SRGAP1: variants seen among roughly 807,000 people sequenced by gnomAD.
SRGAP1 encodes the protein SLIT-ROBO Rho GTPase-activating protein 1.
In SRGAP1, 43 loss-of-function variants were observed where a neutral mutation model predicts 121.9. The ratio of observed to expected loss-of-function variants is 0.35; its 90% CI spans 0.28 to 0.46. SRGAP1 has a LOEUF of 0.46. Among genes scored for constraint, SRGAP1 ranks in the 20% least tolerant of loss-of-function variants. The pLI, the probability that SRGAP1 is intolerant of heterozygous loss-of-function variation, is 1.00. For missense variants in SRGAP1, 1,102 were observed against 1,350.9 expected (o/e 0.82, Z 2.89); for synonymous variants, 447 against 485.4 (o/e 0.92, Z 1.04).
In SRGAP1 at chr12:63,861,304, T is replaced by TATATATA. The variant is rs201402664; in HGVS notation, c.67+16421_67+16422insATATATA. ...ATGGTAGGCATATATATATATATAT[T>TATATATA]TTTTTTTTTTTTTGAGGCAAAGTCT... On this transcript the variant is annotated intron_variant, in intron 1 of 21. Coordinates refer to ENST00000355086, the MANE Select transcript of SRGAP1 (RefSeq NM_020762.4). Among the ~76,000 whole-genome samples the TATATATA allele has an allele frequency of 1.0e-4, 11 of 105,794 alleles. No homozygotes were observed. In the East Asian group the frequency reaches 1.2e-3, roughly 12 times the overall value. The allele number at this position is 105,794 out of a possible 152,430, so 69.4% of individuals were successfully genotyped here.
chr12:63,933,936 C>A (rs967102831), intron 1 of SRGAP1, among the ~76,000 whole-genome samples: 1 of 152,138 alleles, frequency 6.6e-6, no homozygotes, highest in African/African-American at 2.4e-5. Flanking sequence ...AAAGGACAAG[C>A]CACTTACTAT....
At chr12:63,911,975 T>A (rs1417383271) in intron 1 of SRGAP1, among the ~76,000 whole-genome samples, 1 of 152,192 alleles carries the variant, frequency 6.6e-6, no homozygotes, top group Non-Finnish European at 1.5e-5. Flanking sequence ...TAGGTTAAAA[T>A]GATGTTGGAG....
chr12:64,128,328 A>G (rs895036728), intron 21 of SRGAP1, 128 bp downstream of exon 21: 1 of 966,142 alleles, frequency 1.0e-6, no homozygotes, highest in Non-Finnish European at 1.5e-6. Context: ...ACTAAAGAAA[A>G]CAGAAACAAA....
At chr12:64,136,046 T>A (rs2036851450) in intron 21 of SRGAP1, among the ~76,000 whole-genome samples, 2 of 152,192 alleles carry the variant, frequency 1.3e-5, no homozygotes, top group African/African-American at 4.8e-5. Context: ...TTCTTCTGTT[T>A]GCTTTATATT....
chr12:63,844,787 C>T lies in SRGAP1; in HGVS notation c.-30C>T. On this transcript the variant is annotated 5_prime_UTR_variant, in exon 1 of 22. Transcript: ENST00000355086. The surrounding 1 kb of genome is among the most constrained non-coding windows in gnomAD (Gnocchi z 4.3). ...TTGTGACCACTGAACAAAACTTGCC[C>T]ATTGAAAGCAAACCCGGAACAGCTG... The T allele has an allele frequency of 6.2e-7, 1 of 1,612,636 alleles. No homozygotes were observed. Among genetic ancestry groups the T allele is most frequent in the Non-Finnish European group, 8.5e-7 (1 of 1,178,624 alleles).
At chr12:64,134,301 G>C (rs1592353098) in intron 21 of SRGAP1, among the ~76,000 whole-genome samples, 1 of 151,938 alleles carries the variant, frequency 6.6e-6, no homozygotes, top group African/African-American at 2.4e-5. Context: ...GGTGCCTGTA[G>C]TCCCAGCTAC....
intron 17 of SRGAP1, among the ~76,000 whole-genome samples, chr12:64,115,016 T>A (rs1404139359): frequency 6.6e-6 from 1 of 152,160 alleles, no homozygotes; most frequent in Admixed American, 6.5e-5. Flanking sequence ...GTGACAGTGT[T>A]AAGGGATAAG....
intron 21 of SRGAP1, among the ~76,000 whole-genome samples, chr12:64,140,883 C>T (rs367906712): frequency 7.6e-6 from 1 of 131,006 alleles, no homozygotes; most frequent in Admixed American, 8.1e-5. Flanking sequence ...GAATGTCCAA[C>T]AATGATAGAC....
At chr12:64,083,298 G>A (rs1251652778) in intron 10 of SRGAP1, among the ~76,000 whole-genome samples, 3 of 152,134 alleles carry the variant, frequency 2.0e-5, no homozygotes, top group Non-Finnish European at 2.9e-5. Flanking sequence ...TAGACTCACC[G>A]CTGCAAAAAC....
At chr12:64,135,787 C>T (rs1189881945) in intron 21 of SRGAP1, among the ~76,000 whole-genome samples, 1 of 152,160 alleles carries the variant, frequency 6.6e-6, no homozygotes, top group Non-Finnish European at 1.5e-5. Context: ...CTCCTGGTAC[C>T]AAAACCTGTA....
chr12:63,972,416 A>T (rs191323710), intron 1 of SRGAP1, among the ~76,000 whole-genome samples: 1 of 152,224 alleles, frequency 6.6e-6, no homozygotes, highest in Non-Finnish European at 1.5e-5. Context: ...GAAACCTTAT[A>T]GGGTTGGAGG....
intron 1 of SRGAP1, among the ~76,000 whole-genome samples, chr12:63,898,096 G>T (rs1412905723): frequency 6.6e-6 from 1 of 152,206 alleles, no homozygotes; most frequent in African/African-American, 2.4e-5. Context: ...ACTACTGGGG[G>T]AGAAAAGGAA....
chr12:63,865,907 A>T (rs1899613468), intron 1 of SRGAP1, among the ~76,000 whole-genome samples: 1 of 149,382 alleles, frequency 6.7e-6, no homozygotes, highest in Non-Finnish European at 1.5e-5. Flanking sequence ...TGGTTTTGGG[A>T]AGTGCTTTGG....
chr12:64,090,405 C>A (rs563847098), intron 11 of SRGAP1, among the ~76,000 whole-genome samples: 1 of 152,110 alleles, frequency 6.6e-6, no homozygotes, highest in Non-Finnish European at 1.5e-5. Context: ...ATAACTCATG[C>A]GAGCCTGTAT....
intron 1 of SRGAP1, among the ~76,000 whole-genome samples, chr12:63,875,984 T>C (rs925573242): frequency 6.6e-6 from 1 of 152,224 alleles, no homozygotes; most frequent in African/African-American, 2.4e-5. Flanking sequence ...ATTGTATCTC[T>C]CTGTGACAGC....
At chr12:64,040,524 G>A (rs901199563) in intron 4 of SRGAP1, among the ~76,000 whole-genome samples, 4 of 152,164 alleles carry the variant, frequency 2.6e-5, no homozygotes, top group African/African-American at 9.7e-5. Context: ...CACCTTACAT[G>A]TGTTGTTTCT....
intron 6 of SRGAP1, among the ~76,000 whole-genome samples, chr12:64,044,674 C>CTTTTTTTTTTTTTTTT (rs558248193): frequency 0.018 from 1,320 of 72,004 alleles, 256 homozygotes; most frequent in Non-Finnish European, 0.028. Context: ...TGATGTGCCT[C>CTTTTTTTTTTTTTTTT]TTTTTTTTTT....
chr12:63,919,028 G>T (rs889296321), intron 1 of SRGAP1, among the ~76,000 whole-genome samples: 2 of 151,990 alleles, frequency 1.3e-5, no homozygotes, highest in African/African-American at 4.8e-5. Flanking sequence ...GTTTTTTTGG[G>T]GAGGGGTGTT....
rs112937617 is a variant in SRGAP1, at chr12:64,046,917, G to GA, written c.801+3352dup. Among the ~76,000 whole-genome samples, 494 of 145,848 alleles carry GA rather than the reference G, an allele frequency of 3.4e-3. 2 individuals are homozygous for GA. Among genetic ancestry groups the GA allele is most frequent in the African/African-American group, 0.01 (406 of 39,504 alleles). ...TAGTGTTTTCTCCATTTTATAGACT[G>GA]AAAAAAAAAACAAAACAAAACTGAG... is the stretch of plus-strand genomic sequence containing the variant. On this transcript the variant is annotated intron_variant, in intron 6 of 21. Transcript: ENST00000355086.
Sources: allele counts gnomAD v4.1 joint callset (sites outside exome capture counted in the v4.1 genomes callset), GRCh38; gene constraint gnomAD v4.1.1; non-coding constraint Gnocchi (gnomAD v3.1); transcripts MANE v1.5; gene names NCBI Gene and HGNC (gene_info 2026-07-23, HGNC 2026-07-21).